FHIT: variants seen among roughly 807,000 people sequenced by gnomAD.
The protein encoded by FHIT is bis(5'-adenosyl)-triphosphatase.
Under a neutral mutation model 17.9 loss-of-function variants are expected in FHIT, and 19 were observed. The observed-to-expected ratio is 1.06, with a 90% CI of 0.74 to 1.56. FHIT has a LOEUF of 1.56. Ranked by LOEUF, FHIT falls within the 40% of genes most tolerant of loss-of-function variation. The pLI is 0.00. For missense variants in FHIT, 248 were observed against 189.2 expected, an observed-to-expected ratio of 1.31 and a Z score of -1.82; for synonymous variants, 81 against 69.7, an observed-to-expected ratio of 1.16 and a Z score of -0.81.
At chr3:59,841,951 C>A (rs1460263867) in intron 8 of FHIT, among the ~76,000 whole-genome samples, 1 of 152,056 alleles carries the variant, frequency 6.6e-6, no homozygotes, top group Non-Finnish European at 1.5e-5. Flanking sequence ...GTGTACAGTC[C>A]AGTGACAATA....
At chr3:60,207,680 G>A (rs557725028) in intron 5 of FHIT, among the ~76,000 whole-genome samples, 69 of 152,152 alleles carry the variant, frequency 4.5e-4, no homozygotes, top group African/African-American at 1.5e-3. Context: ...TTTTTAAAAA[G>A]TCAGAAACCT....
At chr3:60,422,588 T>G (rs1415738264) in intron 5 of FHIT, among the ~76,000 whole-genome samples, 1 of 152,134 alleles carries the variant, frequency 6.6e-6, no homozygotes, top group Non-Finnish European at 1.5e-5. Flanking sequence ...AAGGGTAACT[T>G]AAAAAGACAG....
At chr3:60,939,913 T>C (rs1553774065) in intron 3 of FHIT, among the ~76,000 whole-genome samples, 1 of 152,158 alleles carries the variant, frequency 6.6e-6, no homozygotes, top group Non-Finnish European at 1.5e-5. Context: ...CTGGTTTCCA[T>C]TTTTAATCAT....
At chr3:60,603,428 A>G (rs2038506516) in intron 4 of FHIT, among the ~76,000 whole-genome samples, 1 of 151,266 alleles carries the variant, frequency 6.6e-6, no homozygotes, top group Non-Finnish European at 1.5e-5. Flanking sequence ...CTATCTATCC[A>G]TTTTACTATC....
At chr3:60,719,656 A>G (rs1553707593) in intron 4 of FHIT, among the ~76,000 whole-genome samples, 1 of 152,168 alleles carries the variant, frequency 6.6e-6, no homozygotes, top group Non-Finnish European at 1.5e-5. Context: ...TTGAAAACCT[A>G]CTGAATCAGA....
At chr3:60,330,081 G>A (rs1418887245) in intron 5 of FHIT, among the ~76,000 whole-genome samples, 1 of 152,140 alleles carries the variant, frequency 6.6e-6, no homozygotes, top group South Asian at 2.1e-4. Flanking sequence ...AATACATTTA[G>A]CAAATGGCTG....
chr3:60,064,540 G>A (rs1702421291), intron 5 of FHIT, among the ~76,000 whole-genome samples: 1 of 152,174 alleles, frequency 6.6e-6, no homozygotes, highest in Admixed American at 6.5e-5. Flanking sequence ...TGAATGATGA[G>A]GGACAGGGAC....
Position 60,920,769 on chromosome 3 carries a change from G to C in FHIT, c.-110-98758C>G, listed in dbSNP as rs553335589. ...AATTTAAATTACATTTATCCCAAGG[G>C]TAATGAGAAGCCTTTGAAAGACTTT... is the stretch of plus-strand genomic sequence containing the variant. On this transcript the variant is annotated intron_variant, in intron 3 of 9. Transcript: ENST00000492590. 2.0e-5 allele frequency among the ~76,000 whole-genome samples: 3 copies of C among 152,134 alleles called. No homozygotes were observed. In the East Asian group the frequency reaches 5.8e-4, roughly 29 times the overall value.
chr3:59,974,450 C>T (rs138375269), intron 7 of FHIT, among the ~76,000 whole-genome samples: 1 of 152,262 alleles, frequency 6.6e-6, no homozygotes, highest in Non-Finnish European at 1.5e-5. Flanking sequence ...GCCATCCTGG[C>T]CTAGTTCCAC....
rs568655950 is a variant in FHIT, at chr3:60,379,530, A to G, written c.103+157330T>C. On this transcript the variant is annotated intron_variant, in intron 5 of 9. Coordinates refer to ENST00000492590, the MANE Select transcript of FHIT (RefSeq NM_002012.4). ...AGAAGTTAGAGATAGTTTTCTTTCC[A>G]TAACTGGAACATTGAGTACTGTTGG... is the stretch of plus-strand genomic sequence containing the variant. 2.0e-4 allele frequency among the ~76,000 whole-genome samples: 31 copies of G among 152,322 alleles called. 1 individual carries two copies. Among genetic ancestry groups the G allele is most frequent in the African/African-American group, 6.3e-4 (26 of 41,584 alleles).
chr3:59,842,014 T>C (rs981522344), intron 8 of FHIT, among the ~76,000 whole-genome samples: 2 of 152,142 alleles, frequency 1.3e-5, no homozygotes, highest in African/African-American at 4.8e-5. Context: ...CAGAACTCTT[T>C]TTCGTCTTGT....
chr3:60,176,329 G>A (rs1480405055), intron 5 of FHIT, among the ~76,000 whole-genome samples: 1 of 152,098 alleles, frequency 6.6e-6, no homozygotes, highest in Non-Finnish European at 1.5e-5. Flanking sequence ...TCCAGCCTGG[G>A]TGACAGAGTG....
intron 5 of FHIT, among the ~76,000 whole-genome samples, chr3:60,362,293 T>A (rs1439312809): frequency 6.6e-6 from 1 of 152,158 alleles, no homozygotes; most frequent in African/African-American, 2.4e-5. Context: ...ACATTTTAGA[T>A]CTTTAAACTT....
intron 4 of FHIT, among the ~76,000 whole-genome samples, chr3:60,790,722 G>A (rs190119348): frequency 1.3e-5 from 2 of 152,232 alleles, no homozygotes; most frequent in East Asian, 1.9e-4. Flanking sequence ...ATGATACTAC[G>A]AGAGATACAT....
chr3:61,205,578 G>A (rs12487914), intron 1 of FHIT, among the ~76,000 whole-genome samples: 65,723 of 151,876 alleles, frequency 0.43, 14,628 homozygotes, highest in East Asian at 0.58. Context: ...GCCAGTGATG[G>A]TGAGCATTTT....
chr3:60,562,911 A>C (rs1221602167), intron 4 of FHIT, among the ~76,000 whole-genome samples: 1 of 152,212 alleles, frequency 6.6e-6, no homozygotes, highest in Non-Finnish European at 1.5e-5. Context: ...GGAGGTCCTC[A>C]AGATCCTCTA....
intron 5 of FHIT, among the ~76,000 whole-genome samples, chr3:60,201,306 A>G (rs767414349): frequency 6.6e-6 from 1 of 152,110 alleles, no homozygotes; most frequent in Non-Finnish European, 1.5e-5. Context: ...TCTAAATTCT[A>G]CATTGTGGGT....
intron 4 of FHIT, among the ~76,000 whole-genome samples, chr3:60,554,309 G>A (rs1322152132): frequency 6.6e-6 from 1 of 150,998 alleles, no homozygotes; most frequent in Non-Finnish European, 1.5e-5. Context: ...TAATAGCAGA[G>A]ACGAACTTAC....
chr3:60,567,387 A>G (rs543237800), intron 4 of FHIT, among the ~76,000 whole-genome samples: 48 of 152,354 alleles, frequency 3.2e-4, no homozygotes, highest in Middle Eastern at 6.8e-3. Flanking sequence ...TGGTGCTGGG[A>G]AAACTGGTTA....
Sources: allele counts gnomAD v4.1 joint callset (sites outside exome capture counted in the v4.1 genomes callset), GRCh38; gene constraint gnomAD v4.1.1; transcripts MANE v1.5; gene names NCBI Gene and HGNC (gene_info 2026-07-23, HGNC 2026-07-21).